The following RFWD3 variants were observed in gnomAD, a reference collection of about 807,000 sequenced individuals.
The protein encoded by RFWD3 is ring finger and WD repeat domain 3.
RFWD3 carries 65 observed loss-of-function variants against 87.7 expected under a neutral mutation model. The observed-to-expected ratio is 0.74, with a 90% confidence interval of 0.61 to 0.91. The LOEUF is 0.91. Among genes scored for constraint, RFWD3 ranks in the 40% least tolerant of loss-of-function variants. The pLI is 0.00. For synonymous variants in RFWD3, 433 were observed against 352.8 expected (o/e 1.23, Z -2.55); for missense variants, 1,078 against 938.5 (o/e 1.15, Z -1.94).
chr16:74,639,585 A>C (rs1959458287), intron 6 of RFWD3, among the ~76,000 whole-genome samples: 1 of 152,264 alleles, frequency 6.6e-6, no homozygotes, highest in African/African-American at 2.4e-5. Flanking sequence ...AGACTATCAC[A>C]AAGATGGTAC....
chr16:74,649,376 A>T (rs1960407147), intron 3 of RFWD3, 174 bp from the exon 4 acceptor site: 2 of 465,538 alleles, frequency 4.3e-6, no homozygotes, highest in Non-Finnish European at 7.7e-6. Flanking sequence ...ATTTATTTTT[A>T]AAAATTTAGT....
chr16:74,634,749 G>C (rs1959179405), intron 8 of RFWD3, among the ~76,000 whole-genome samples: 1 of 151,108 alleles, frequency 6.6e-6, no homozygotes, highest in Non-Finnish European at 1.5e-5. Flanking sequence ...GCTTCTCCAG[G>C]GAACCAAGCA....
intron 6 of RFWD3, among the ~76,000 whole-genome samples, chr16:74,640,961 G>T (rs1222198231): frequency 1.3e-5 from 2 of 151,800 alleles, no homozygotes; most frequent in African/African-American, 4.8e-5. Context: ...ATTCACAAAG[G>T]TATGAAAAAA....
At chr16:74,652,597 T>C (rs374346913) in intron 2 of RFWD3, among the ~76,000 whole-genome samples, 7 of 152,350 alleles carry the variant, frequency 4.6e-5, no homozygotes, top group African/African-American at 1.7e-4. Context: ...CATTTTAGGA[T>C]AGTATTTTTC....
chr16:74,662,539 T>A (rs1242217340), intron 1 of RFWD3, among the ~76,000 whole-genome samples: 1 of 152,120 alleles, frequency 6.6e-6, no homozygotes, highest in Non-Finnish European at 1.5e-5. Context: ...GAGGACCAAC[T>A]AAGACACAAT....
Position 74,649,220 on chromosome 16 carries a change from G to A in RFWD3, c.722-18C>T. The A allele has an allele frequency of 6.5e-7, 1 of 1,536,558 alleles. No individual in the cohort carries two copies. The highest frequency in any genetic ancestry group is 8.7e-7 in the Non-Finnish European group (1 of 1,144,654). ...TAGTTGCTCTGCCAAGTCATTTCCA[G>A]AAATGACAGGAGAGGTAAAATACAA... On this transcript the variant is annotated intron_variant, in intron 3 of 12. Coordinates refer to ENST00000361070, the MANE Select transcript of RFWD3 (RefSeq NM_018124.4).
At chr16:74,645,735 C>T (rs921617343) in intron 4 of RFWD3, among the ~76,000 whole-genome samples, 2 of 138,232 alleles carry the variant, frequency 1.4e-5, no homozygotes, top group Non-Finnish European at 3.1e-5. Context: ...ATCATAGTCA[C>T]AAATATTTTC....
chr16:74,650,012 A>G (rs1960448196), intron 3 of RFWD3, among the ~76,000 whole-genome samples: 4 of 152,198 alleles, frequency 2.6e-5, no homozygotes, highest in Non-Finnish European at 5.9e-5. Flanking sequence ...GCCCATTTAG[A>G]GTCAATCCAC....
chr16:74,660,656 G>C (rs1268657999), intron 2 of RFWD3: 1 of 319,968 alleles, frequency 3.1e-6, no homozygotes, highest in Non-Finnish European at 5.7e-6. Context: ...AGTGAAGAAA[G>C]AATTTTTGGT....
rs950321769 is a variant in RFWD3, at chr16:74,648,614, A to G, written c.792+518T>C. On this transcript the variant is annotated intron_variant, in intron 4 of 12. Coordinates refer to ENST00000361070, the MANE Select transcript of RFWD3 (RefSeq NM_018124.4). ...GGTGAAACCCCGTCTCTAACTTAAA[A>G]GACAAAAATTAGCTGGGCGGGGTGG... is the stretch of plus-strand genomic sequence containing the variant. Among the ~76,000 whole-genome samples, 5 of 151,720 alleles carry G rather than the reference A, an allele frequency of 3.3e-5. No individual in the cohort carries two copies. The South Asian group carries it at 1.0e-3, about 32-fold the overall frequency.
chr16:74,626,371 G>C lies in RFWD3; in HGVS notation c.2153C>G (p.Thr718Ser), dbSNP rs1384498545. The C allele has an allele frequency of 6.2e-7, 1 of 1,614,178 alleles. No individual in the cohort carries two copies. Among genetic ancestry groups the C allele is most frequent in the Non-Finnish European group, 8.5e-7 (1 of 1,180,022 alleles). Residue 718 changes from threonine to serine, a missense_variant, in exon 12 of 13, where the codon ACT (threonine) becomes AGT (serine). Transcript: ENST00000361070. The stretch of plus-strand genomic sequence containing the variant: ...GGCAGAATTTGCTGCTTCATCCCCA[G>C]TACACACCAGGATGTTGCCATCATT... The part of the protein sequence containing the change: ...PENDGNILVC[T>S]GDEAANSALL...
At chr16:74,631,082 C>A in intron 9 of RFWD3, 125 bp from the exon 10 acceptor site, 1 of 742,180 alleles carries the variant, frequency 1.3e-6, no homozygotes, top group South Asian at 2.6e-5. Context: ...CCCAAACTAT[C>A]TGGATTCCCT....
chr16:74,661,719 A>G (rs1249338141), intron 1 of RFWD3, among the ~76,000 whole-genome samples: 1 of 152,234 alleles, frequency 6.6e-6, no homozygotes, highest in Non-Finnish European at 1.5e-5. Flanking sequence ...CAAAATAGAA[A>G]GATCTATAAA....
chr16:74,657,043 A>C (rs1961037312), intron 2 of RFWD3, among the ~76,000 whole-genome samples: 1 of 152,162 alleles, frequency 6.6e-6, no homozygotes, highest in African/African-American at 2.4e-5. Context: ...GGCAGGCCCC[A>C]GGGAAAATGA....
rs1482233036 is a variant in RFWD3, at chr16:74,644,381, C to G, written c.1060G>C (p.Glu354Gln). ...ACCTACCTTTTCATGCGCTCCTGTT[C>G]ACTAGTGTCCAAAGCTCTCAGGGTT... The part of the protein sequence containing the change: ...ARTLRALDTS[E>Q]QERMKSSLLK... Residue 354 changes from glutamate to glutamine, a missense_variant, in exon 6 of 13, where the codon GAA becomes CAA. Physicochemically the swap from Glu to Gln is conservative, Grantham distance 29. Coordinates refer to ENST00000361070, the MANE Select transcript of RFWD3 (RefSeq NM_018124.4). 1 of 1,614,168 alleles carries G rather than the reference C, an allele frequency of 6.2e-7. No homozygotes were observed. Among genetic ancestry groups the G allele is most frequent in the East Asian group, 2.2e-5 (1 of 44,882 alleles).
At chr16:74,652,321 G>A (rs1235444830) in intron 2 of RFWD3, among the ~76,000 whole-genome samples, 199 bp from the exon 3 acceptor site, 1 of 151,738 alleles carries the variant, frequency 6.6e-6, no homozygotes, top group Non-Finnish European at 1.5e-5. Flanking sequence ...CTCAACCACT[G>A]CTACATTAGC....
rs1236331244 is a variant in RFWD3, at chr16:74,652,589, T to G, written c.519-467A>C. 2.6e-5 allele frequency among the ~76,000 whole-genome samples: 4 copies of G among 152,186 alleles called. No homozygotes were observed. The East Asian group carries it at 7.7e-4, about 29-fold the overall frequency. On this transcript the variant is annotated intron_variant, in intron 2 of 12. Coordinates refer to ENST00000361070, the MANE Select transcript of RFWD3 (RefSeq NM_018124.4). ...GCTTCTGTAATTTCTTCATCTCTCA[T>G]TTTAGGATAGTATTTTTCTTTTAAA...
chr16:74,646,583 C>T (rs960471957), intron 4 of RFWD3, among the ~76,000 whole-genome samples: 6 of 151,972 alleles, frequency 3.9e-5, no homozygotes, highest in African/African-American at 7.3e-5. Flanking sequence ...GTCAGGAGAT[C>T]GAGACCATCC....
intron 8 of RFWD3, among the ~76,000 whole-genome samples, chr16:74,635,856 G>A (rs559585164): frequency 6.6e-6 from 1 of 152,224 alleles, no homozygotes; most frequent in East Asian, 1.9e-4. Context: ...CTAAAATTAA[G>A]CTTAAAAACA....
Sources: allele counts gnomAD v4.1 joint callset (sites outside exome capture counted in the v4.1 genomes callset), GRCh38; gene constraint gnomAD v4.1.1; transcripts MANE v1.5; gene names NCBI Gene and HGNC (gene_info 2026-07-23, HGNC 2026-07-21).